The following TBC1D3B variants were observed in gnomAD, a reference collection of about 807,000 sequenced individuals.
TBC1D3B encodes the protein TBC1 domain family member 3B.
TBC1D3B carries 2 observed loss-of-function variants against 27.1 expected under a neutral mutation model. That is an observed-to-expected ratio of 0.07 (90% CI 0.03 to 0.23). The LOEUF (loss-of-function observed/expected upper bound fraction) is 0.23. Among genes scored for constraint, TBC1D3B ranks in the 10% least tolerant of loss-of-function variants. The pLI, the probability that TBC1D3B is intolerant of heterozygous loss-of-function variation, is 1.00. For missense variants in TBC1D3B, 17 were observed against 401.3 expected (o/e 0.04, Z 8.18); for synonymous variants, 3 against 150.1 (o/e 0.02, Z 7.16).
In TBC1D3B at chr17:36,165,710, C is replaced by G. The variant is rs1381325331; in HGVS notation, c.*285G>C. On this transcript the variant is annotated 3_prime_UTR_variant, in exon 14 of 14. Coordinates refer to ENST00000611257, the MANE Select transcript of TBC1D3B (RefSeq NM_001001417.7). ...TCAACAGGAAACATTTATTTCAAAA[C>G]GTGAAGGTAGTTATCCTTCCATGAG... 2 of 997,730 alleles carry G rather than the reference C, an allele frequency of 2.0e-6. No individual in the cohort carries two copies. Among genetic ancestry groups the G allele is most frequent in the Non-Finnish European group, 2.9e-6 (2 of 680,372 alleles). 61.8% of individuals were successfully genotyped at this position (997,730 alleles called of 1,614,324 possible). A position where few individuals can be genotyped will look rare whatever the true frequency, so the allele number is the denominator to read the frequency against.
At chr17:36,170,860 C>A (rs1353455465) in intron 7 of TBC1D3B, among the ~76,000 whole-genome samples, 3 of 94,738 alleles carry the variant, frequency 3.2e-5, no homozygotes, top group Admixed American at 9.3e-5. Context: ...TCAGTTTGCA[C>A]ACACGCCAGT....
intron 9 of TBC1D3B, among the ~76,000 whole-genome samples, chr17:36,169,384 T>C (rs1243676615): frequency 1.3e-5 from 2 of 149,068 alleles, no homozygotes; most frequent in African/African-American, 2.4e-5. Context: ...GGAGGCCTCC[T>C]GGGCCAGGGT....
intron 7 of TBC1D3B, among the ~76,000 whole-genome samples, chr17:36,171,328 G>C (rs1293294201): frequency 2.0e-5 from 3 of 151,294 alleles, no homozygotes; most frequent in Non-Finnish European, 4.4e-5. Context: ...GTGGATGTCA[G>C]TTTCCAAATC....
intron 1 of TBC1D3B, among the ~76,000 whole-genome samples, chr17:36,175,636 T>C (rs1378565247): frequency 9.3e-5 from 9 of 96,644 alleles, no homozygotes; most frequent in African/African-American, 2.3e-4. Context: ...AGATCTATTG[T>C]ACGCATGGAA....
At chr17:36,171,023 T>C (rs2068342686) in intron 7 of TBC1D3B, among the ~76,000 whole-genome samples, 1 of 112,432 alleles carries the variant, frequency 8.9e-6, no homozygotes, top group East Asian at 2.0e-4. Context: ...CGTCAGCCCC[T>C]GGCCACCCAG....
intron 7 of TBC1D3B, among the ~76,000 whole-genome samples, chr17:36,171,349 A>C (rs1363846861): frequency 6.6e-6 from 1 of 151,134 alleles, no homozygotes; most frequent in Non-Finnish European, 1.5e-5. Flanking sequence ...AGTGGGTTCA[A>C]TATCTGTGAC....
intron 7 of TBC1D3B, 78 bp downstream of exon 7, chr17:36,171,777 G>A (rs2068362049): frequency 1.5e-6 from 1 of 669,708 alleles, no homozygotes; most frequent in African/African-American, 1.5e-5. Context: ...GGGTGACCCT[G>A]GCTTCTGCTC....
rs1214349759 is a variant in TBC1D3B, at chr17:36,176,595, C to G, written c.-117G>C. The stretch of plus-strand genomic sequence containing the variant: ...GTGTAACTGCTGTAGACCACTGAGG[C>G]AGGCCAGAGAGCAGATAGGTGCTAA... On this transcript the variant is annotated 5_prime_UTR_variant, in exon 1 of 14. Coordinates refer to ENST00000611257, the MANE Select transcript of TBC1D3B (RefSeq NM_001001417.7). The G allele has an allele frequency of 7.7e-6, 1 of 130,438 alleles. No homozygotes were observed. Among genetic ancestry groups the G allele is most frequent in the African/African-American group, 2.6e-5 (1 of 38,068 alleles). 8.1% of individuals were successfully genotyped at this position (130,438 alleles called of 1,614,324 possible). A position where few individuals can be genotyped will look rare whatever the true frequency, so the allele number is the denominator to read the frequency against.
intron 13 of TBC1D3B, among the ~76,000 whole-genome samples, chr17:36,167,065 G>A (rs2068266942): frequency 1.9e-5 from 2 of 106,832 alleles, no homozygotes; most frequent in East Asian, 2.1e-4. Context: ...TCCCGCCTGT[G>A]CCCTCTCCCT....
chr17:36,169,319 T>A, intron 9 of TBC1D3B, 145 bp from the exon 10 acceptor site: 1 of 1,320,066 alleles, frequency 7.6e-7, no homozygotes, highest in African/African-American at 1.4e-5. Flanking sequence ...ATGCGGCCTT[T>A]ACCCTGGGGA....
At chr17:36,169,490 C>T (rs2068316942) in intron 9 of TBC1D3B, among the ~76,000 whole-genome samples, 1 of 149,964 alleles carries the variant, frequency 6.7e-6, no homozygotes, top group African/African-American at 2.4e-5. Flanking sequence ...TGGGGTCGGG[C>T]CAGGGGAACA....
intron 13 of TBC1D3B, among the ~76,000 whole-genome samples, chr17:36,167,241 C>T (rs1233744758): frequency 3.8e-4 from 20 of 53,036 alleles, no homozygotes; most frequent in African/African-American, 7.0e-4. Context: ...GGTCTGGGCT[C>T]GTCTAGTAAC....
At position 36,171,460 on chromosome 17, in the gene TBC1D3B, TGA is replaced by T. The variant is rs1407978062; in HGVS notation, c.497+393_497+394del. Among the ~76,000 whole-genome samples the T allele has an allele frequency of 7.3e-5, 11 of 151,162 alleles. No homozygotes were observed. In the South Asian group the frequency reaches 2.3e-3, roughly 32 times the overall value. ...ATGTCATGTTCCCAGCGGACCTGGA[TGA>T]GAGTTTCCAGGACCCCTAATTCTCC... On this transcript the variant is annotated intron_variant, in intron 7 of 13. Coordinates refer to ENST00000611257, the MANE Select transcript of TBC1D3B (RefSeq NM_001001417.7).
intron 7 of TBC1D3B, among the ~76,000 whole-genome samples, chr17:36,171,252 C>T (rs1442821074): frequency 2.0e-5 from 3 of 150,694 alleles, no homozygotes; most frequent in Admixed American, 6.7e-5. Context: ...TGTTGAAGGC[C>T]GTCCCCGAAG....
rs2068306539 is a variant in TBC1D3B, at chr17:36,169,128, T to C, written c.714A>G (p.Gln238=). ...GTGACGTGGCTACCACATGCTCCTG[T>C]TGGTCTTGGAGCCCCTGGACGGTCC... ...NGGTVQGLQD[Q]QEHVVATSQS... The change falls in exon 10 of 14, where the codon CAA becomes CAG. Residue 238 remains glutamine (Q), a synonymous_variant. Transcript: ENST00000611257. 1 of 1,605,692 alleles carries C rather than the reference T, an allele frequency of 6.2e-7. No individual in the cohort carries two copies. The highest frequency in any genetic ancestry group is 1.3e-5 in the African/African-American group (1 of 74,852).
intron 7 of TBC1D3B, among the ~76,000 whole-genome samples, chr17:36,171,368 GA>G (rs2068351771): frequency 1.3e-5 from 2 of 151,012 alleles, no homozygotes; most frequent in Admixed American, 6.6e-5. Flanking sequence ...ACACTTTGGG[GA>G]TGTGTGGTTC....
chr17:36,169,457 G>T (rs2068315557), intron 9 of TBC1D3B, among the ~76,000 whole-genome samples: 1 of 149,840 alleles, frequency 6.7e-6, no homozygotes. Flanking sequence ...TGGGCGCTGG[G>T]CTTCCCGGTC....
chr17:36,171,211 G>C (rs1254434741), intron 7 of TBC1D3B, among the ~76,000 whole-genome samples: 1 of 150,096 alleles, frequency 6.7e-6, no homozygotes, highest in Non-Finnish European at 1.5e-5. Context: ...TCCGTTTGAA[G>C]GGAGGACCAG....
chr17:36,171,155 C>G (rs1159125018), intron 7 of TBC1D3B, among the ~76,000 whole-genome samples: 380 of 147,734 alleles, frequency 2.6e-3, no homozygotes, highest in African/African-American at 9.1e-3. Context: ...GATCCACCCA[C>G]GTTCGTGCGG....
Sources: gnomAD v4.1 joint callset for allele counts (sites outside exome capture counted in the v4.1 genomes callset) on GRCh38, gnomAD v4.1.1 for gene constraint, MANE v1.5 for transcripts, NCBI Gene and HGNC (gene_info 2026-07-23, HGNC 2026-07-21) for gene names.